Variants in SLC41A3 observed in about 807,000 individuals in gnomAD.
SLC41A3 encodes SLC41A1-like 2.
In SLC41A3, 44 loss-of-function variants were observed where a neutral mutation model predicts 45.4. The observed-to-expected ratio is 0.97, with a 90% CI of 0.76 to 1.25. The LOEUF (loss-of-function observed/expected upper bound fraction) is 1.25. SLC41A3 is among the 50% of genes most tolerant of loss of function. The pLI is 0.00. For synonymous variants in SLC41A3, 256 were observed against 252.4 expected (o/e 1.01, Z -0.13); for missense variants, 550 against 600.6 (o/e 0.92, Z 0.88).
chr3:126,101,430 T>C (rs1576395592), exon 1 of SLC41A3: 1 of 152,344 alleles, frequency 6.6e-6, no homozygotes, highest in East Asian at 1.9e-4. Context: ...TGTCCTTACC[T>C]TACACTTTCA....
intron 3 of SLC41A3, among the ~76,000 whole-genome samples, chr3:126,038,884 T>C (rs1330167198): frequency 6.6e-6 from 1 of 151,660 alleles, no homozygotes; most frequent in East Asian, 1.9e-4. Context: ...TGGTGGGAGG[T>C]GTTTGGGTCA....
chr3:126,023,017 C>T (rs753654407), intron 5 of SLC41A3, 85 bp from the exon 6 acceptor site: 61 of 1,557,734 alleles, frequency 3.9e-5, no homozygotes, highest in Admixed American at 8.8e-5. Flanking sequence ...CAGGGATGGG[C>T]GGCACTGAGT....
chr3:126,033,506 C>A, intron 4 of SLC41A3, 101 bp downstream of exon 4: 11 of 1,297,156 alleles, frequency 8.5e-6, no homozygotes. Context: ...AAAGTTCAGG[C>A]CAGAGTGCAG....
intron 2 of SLC41A3, chr3:126,056,764 G>T (rs1343717565): frequency 2.1e-6 from 3 of 1,398,362 alleles, no homozygotes; most frequent in Non-Finnish European, 2.8e-6. Flanking sequence ...AGGCCAGTGT[G>T]ACTCACGGCC....
intron 2 of SLC41A3, among the ~76,000 whole-genome samples, chr3:126,064,201 T>C (rs1576341688): frequency 2.6e-5 from 4 of 152,038 alleles, no homozygotes; most frequent in Non-Finnish European, 4.4e-5. Context: ...GAAAGCAAGA[T>C]AATGTGAGCG....
chr3:126,067,559 C>T (rs1391704375), intron 2 of SLC41A3: 1 of 450,040 alleles, frequency 2.2e-6, no homozygotes, highest in Admixed American at 2.4e-5. Context: ...CTGCCAACAC[C>T]TTGATCTTGG....
At chr3:126,054,737 C>T (rs1943552174) in intron 2 of SLC41A3, among the ~76,000 whole-genome samples, 1 of 152,050 alleles carries the variant, frequency 6.6e-6, no homozygotes, top group African/African-American at 2.4e-5. Flanking sequence ...GCTCCCTCTT[C>T]CTTCACAGGC....
chr3:126,086,450 A>T (rs1424832768), upstream of SLC41A3, among the ~76,000 whole-genome samples: 7 of 70,660 alleles, frequency 9.9e-5, no homozygotes, highest in Middle Eastern at 0.01. Context: ...AAGCTGGGGA[A>T]TTTGTATTTA....
chr3:126,033,285 T>C (rs1941936348), intron 4 of SLC41A3, among the ~76,000 whole-genome samples: 1 of 140,910 alleles, frequency 7.1e-6, no homozygotes, highest in Non-Finnish European at 1.6e-5. Context: ...AGAAGCACAA[T>C]TAGAGGCAAG....
At chr3:126,014,563 G>A (rs565282358) in intron 8 of SLC41A3, among the ~76,000 whole-genome samples, 102 of 152,362 alleles carry the variant, frequency 6.7e-4, no homozygotes, top group Non-Finnish European at 7.9e-4. Flanking sequence ...TAAGCCCTCT[G>A]TTGCTGTTCT....
chr3:126,092,203 C>T (rs1945502084), intron 1 of SLC41A3, among the ~76,000 whole-genome samples: 1 of 152,230 alleles, frequency 6.6e-6, no homozygotes, highest in Non-Finnish European at 1.5e-5. Flanking sequence ...AACGCCCACA[C>T]TGGAAGGTTG....
At chr3:126,062,979 G>A (rs1238117453) in intron 2 of SLC41A3, among the ~76,000 whole-genome samples, 1 of 152,152 alleles carries the variant, frequency 6.6e-6, no homozygotes, top group Non-Finnish European at 1.5e-5. Flanking sequence ...ACAGGCTGAT[G>A]GCCGTAAGTT....
In SLC41A3 at chr3:126,068,308, A is replaced by G. The variant is rs543617951; in HGVS notation, c.-27-62T>C. 2.1e-6 allele frequency: 3 copies of G among 1,414,622 alleles called. No individual in the cohort carries two copies. In the Admixed American group the frequency reaches 7.8e-5, roughly 37 times the overall value. 87.6% of individuals were successfully genotyped at this position (1,414,622 alleles called of 1,614,324 possible). On this transcript the variant is annotated intron_variant, in intron 1 of 10. Transcript: ENST00000360370. Reference sequence around the variant, plus strand: ...CTGATTCCCATGGCGCTAACACCCAAGGAGCCTCAGGCACCTGTCCAGCCC... The same window carrying G: ...CTGATTCCCATGGCGCTAACACCCAGGGAGCCTCAGGCACCTGTCCAGCCC...
intron 5 of SLC41A3, chr3:126,023,173 G>A (rs1941053873): frequency 1.9e-6 from 1 of 540,126 alleles, no homozygotes; most frequent in East Asian, 3.2e-5. Context: ...TCCACTTTGT[G>A]ACCTGTGCAC....
chr3:126,040,442 G>C (rs1942512341), intron 3 of SLC41A3, among the ~76,000 whole-genome samples: 1 of 152,198 alleles, frequency 6.6e-6, no homozygotes, highest in African/African-American at 2.4e-5. Context: ...GAAAACGACA[G>C]AGGAAAGGCC....
intron 1 of SLC41A3, among the ~76,000 whole-genome samples, chr3:126,098,889 T>C (rs6775613): frequency 0.71 from 106,840 of 150,920 alleles, 39,026 homozygotes; most frequent in African/African-American, 0.9. Flanking sequence ...CTGACTTCTC[T>C]TGACAGCTGC....
intron 2 of SLC41A3, among the ~76,000 whole-genome samples, chr3:126,059,270 GA>G (rs1236463861): frequency 7.2e-6 from 1 of 139,420 alleles, no homozygotes; most frequent in African/African-American, 2.7e-5. Context: ...AAAGAAGAAA[GA>G]AAGAAAGAAA....
rs541681952 is a variant in SLC41A3, at chr3:126,030,148, T to C, written c.453+3459A>G. Among the ~76,000 whole-genome samples the C allele has an allele frequency of 1.7e-3, 257 of 147,618 alleles. 1 individual carries two copies. In the Middle Eastern group the frequency reaches 0.018, roughly 10 times the overall value. ...ATTATAATATGTATAATATATATTATATATGTTATTATATTTTAGGAAAAT... is the reference window on the plus strand; with the variant it reads ...ATTATAATATGTATAATATATATTACATATGTTATTATATTTTAGGAAAAT... On this transcript the variant is annotated intron_variant, in intron 4 of 10. Transcript: ENST00000360370.
intron 3 of SLC41A3, among the ~76,000 whole-genome samples, chr3:126,034,892 A>T (rs1465333477): frequency 1.3e-5 from 2 of 152,266 alleles, no homozygotes; most frequent in Non-Finnish European, 2.9e-5. Flanking sequence ...TCTATAAAAC[A>T]GTTAAAATAA....
Sources: allele counts gnomAD v4.1 joint callset (sites outside exome capture counted in the v4.1 genomes callset), GRCh38; gene constraint gnomAD v4.1.1; transcripts MANE v1.5; gene names NCBI Gene and HGNC (gene_info 2026-07-23, HGNC 2026-07-21).